The following ECHDC3 variants were observed in gnomAD, a reference collection of about 807,000 sequenced individuals.
The protein encoded by ECHDC3 is enoyl-CoA hydratase domain containing 3.
Under a neutral mutation model 17.9 loss-of-function variants are expected in ECHDC3, and 20 were observed. The observed-to-expected ratio is 1.12, with a 90% CI of 0.79 to 1.63. The LOEUF is 1.63. Ranked by LOEUF, ECHDC3 falls within the 40% of genes most tolerant of loss-of-function variation. The pLI, the probability that ECHDC3 is intolerant of heterozygous loss-of-function variation, is 0.00. For synonymous variants in ECHDC3, 177 were observed against 149.7 expected (o/e 1.18, Z -1.33); for missense variants, 407 against 357.7 (o/e 1.14, Z -1.11).
chr10:11,744,436 CTGTG>C (rs113353602), intron 1 of ECHDC3, among the ~76,000 whole-genome samples: 5,017 of 152,266 alleles, frequency 0.033, 289 homozygotes, highest in African/African-American at 0.11. Context: ...AGTGTCTTCT[CTGTG>C]TGAGAACATG....
Position 11,757,666 on chromosome 10 carries a change from C to T in ECHDC3, c.591+2058C>T, listed in dbSNP as rs373430506. On this transcript the variant is annotated intron_variant, in intron 4 of 4. Coordinates refer to ENST00000379215, the MANE Select transcript of ECHDC3 (RefSeq NM_024693.5). ...TCAGAGTTCTGTCAACAAGCCCTTG[C>T]ACGCTGGGCTTATTAATGCTGGGCC... 1.6e-4 allele frequency among the ~76,000 whole-genome samples: 24 copies of T among 152,302 alleles called. No homozygotes were observed. In the East Asian group the frequency reaches 4.0e-3, roughly 26 times the overall value.
intron 2 of ECHDC3, among the ~76,000 whole-genome samples, chr10:11,748,648 G>A (rs751714630): frequency 2.0e-5 from 3 of 152,166 alleles, no homozygotes; most frequent in Non-Finnish European, 4.4e-5. Flanking sequence ...TACTTTGGGA[G>A]GCCAAGGCGG....
chr10:11,757,234 A>G (rs1205987672), intron 4 of ECHDC3, among the ~76,000 whole-genome samples: 1 of 152,238 alleles, frequency 6.6e-6, no homozygotes, highest in African/African-American at 2.4e-5. Flanking sequence ...GAAACCTTGA[A>G]GTCAGCCCTA....
intron 2 of ECHDC3, among the ~76,000 whole-genome samples, chr10:11,748,388 A>T (rs1339806861): frequency 6.6e-6 from 1 of 152,080 alleles, no homozygotes. Flanking sequence ...CACTACACTC[A>T]GCTAATTTTT....
At chr10:11,758,013 G>A (rs1039558038) in intron 4 of ECHDC3, among the ~76,000 whole-genome samples, 4 of 152,082 alleles carry the variant, frequency 2.6e-5, no homozygotes, top group Admixed American at 6.5e-5. Flanking sequence ...CACCCACAGG[G>A]AAGCTAGCAG....
At chr10:11,751,038 G>A (rs1480938806) in intron 3 of ECHDC3, among the ~76,000 whole-genome samples, 1 of 152,204 alleles carries the variant, frequency 6.6e-6, no homozygotes, top group Non-Finnish European at 1.5e-5. Context: ...TGGGTCTTTC[G>A]TTTCCTACAT....
rs1232465094 is a variant in ECHDC3 at position 11,742,383 on chromosome 10, T to A, written c.-194T>A. 1 of 222,998 alleles carries A rather than the reference T, an allele frequency of 4.5e-6. No individual in the cohort carries two copies. Among genetic ancestry groups the A allele is most frequent in the African/African-American group, 5.4e-5 (1 of 18,532 alleles). The allele number at this position is 222,998 out of a possible 1,614,324, so 13.8% of individuals were successfully genotyped here. On this transcript the variant is annotated 5_prime_UTR_variant, in exon 1 of 5. Transcript: ENST00000379215. The stretch of plus-strand genomic sequence containing the variant: ...GGGCGGGGCGTGCCGGGGCGGGGCG[T>A]AGTACGGACTGGGCCTGGCCTGGGG...
In ECHDC3 at chr10:11,763,427, G is replaced by A. The variant is rs530119354; in HGVS notation, c.795G>A (p.Thr265=). Residue 265 remains threonine (T), a synonymous_variant, in exon 5 of 5, where the codon ACG becomes ACA. Transcript: ENST00000379215. This position sits in a 1 kb window ranked among gnomAD's most constrained non-coding sequence, Gnocchi z 4.9. The stretch of plus-strand genomic sequence containing the variant: ...AGCAGCTGCCCCAGGACCTGGGGAC[G>A]GCTTACTACCTCACCTCCCAGGCCA... ...FYKQLPQDLG[T]AYYLTSQAMV... The A allele has an allele frequency of 2.2e-5, 18 of 816,808 alleles. No homozygotes were observed. Among genetic ancestry groups the A allele is most frequent in the East Asian group, 1.4e-4 (6 of 41,424 alleles). 50.6% of individuals were successfully genotyped at this position (816,808 alleles called of 1,614,324 possible).
rs774232871 is a variant in ECHDC3, at chr10:11,763,394, C to T, written c.762C>T (p.Thr254=). 7 of 783,538 alleles carry T rather than the reference C, an allele frequency of 8.9e-6. No homozygotes were observed. Among genetic ancestry groups the T allele is most frequent in the Admixed American group, 5.1e-5 (3 of 59,022 alleles). The allele number at this position is 783,538 out of a possible 1,614,324, so 48.5% of individuals were successfully genotyped here. ...SRPVVSLGKA[T]FYKQLPQDLG... Reference sequence around the variant, plus strand: ...CGGTGGTGTCCCTGGGCAAAGCCACCTTCTACAAGCAGCTGCCCCAGGACC... The same window carrying T: ...CGGTGGTGTCCCTGGGCAAAGCCACTTTCTACAAGCAGCTGCCCCAGGACC... Residue 254 remains threonine, a synonymous_variant, in exon 5 of 5, where the codon ACC becomes ACT. Coordinates refer to ENST00000379215, the MANE Select transcript of ECHDC3 (RefSeq NM_024693.5). This position sits in a 1 kb window ranked among gnomAD's most constrained non-coding sequence, Gnocchi z 4.9.
At chr10:11,759,382 AAC>A (rs1554760083) in intron 4 of ECHDC3, among the ~76,000 whole-genome samples, 1 of 134,500 alleles carries the variant, frequency 7.4e-6, no homozygotes, top group Non-Finnish European at 1.6e-5. Flanking sequence ...AAAAAAAAAA[AAC>A]ACGCAGTCCC....
chr10:11,752,950 A>G (rs186236200), intron 3 of ECHDC3, among the ~76,000 whole-genome samples: 1 of 152,326 alleles, frequency 6.6e-6, no homozygotes, highest in African/African-American at 2.4e-5. Context: ...ACTGCCATTT[A>G]TTTATTTTGT....
intron 4 of ECHDC3, among the ~76,000 whole-genome samples, chr10:11,756,157 T>C (rs979967491): frequency 5.9e-5 from 9 of 152,342 alleles, no homozygotes; most frequent in Non-Finnish European, 8.8e-5. Context: ...GAATCTCCTG[T>C]GCGTGGTATG....
In ECHDC3 at chr10:11,754,481, C is replaced by G. The variant is rs1181014421; in HGVS notation, c.391-927C>G. ...GTCTCTCCTCTCTGTGCCAATGGCT[C>G]TATTTTAGGAATTTTGTTTACTTTG... On this transcript the variant is annotated intron_variant, in intron 3 of 4. Transcript: ENST00000379215. Among the ~76,000 whole-genome samples the G allele has an allele frequency of 5.1e-4, 77 of 152,146 alleles. 2 individuals are homozygous for G. The highest frequency in any genetic ancestry group is 4.9e-3 in the Admixed American group (75 of 15,272).
chr10:11,763,186 A>G lies in ECHDC3; in HGVS notation c.592-38A>G. The stretch of plus-strand genomic sequence containing the variant: ...GACTCAGGTGGCGGGGGCGGGTCAC[A>G]GGAGAGCACCTCAGTGACATCCCGT... On this transcript the variant is annotated intron_variant, in intron 4 of 4. Transcript: ENST00000379215. This position sits in a 1 kb window ranked among gnomAD's most constrained non-coding sequence, Gnocchi z 4.9. The G allele has an allele frequency of 1.4e-6, 1 of 728,218 alleles. No individual in the cohort carries two copies. Among genetic ancestry groups the G allele is most frequent in the East Asian group, 2.5e-5 (1 of 40,490 alleles). The allele number at this position is 728,218 out of a possible 1,614,324, so 45.1% of individuals were successfully genotyped here.
At chr10:11,759,423 A>AG (rs1382498699) in intron 4 of ECHDC3, among the ~76,000 whole-genome samples, 4 of 150,216 alleles carry the variant, frequency 2.7e-5, no homozygotes, top group Non-Finnish European at 4.4e-5. Flanking sequence ...CTTTTTCTCC[A>AG]TGTGAGGACA....
chr10:11,763,172 C>T lies in ECHDC3; in HGVS notation c.592-52C>T, dbSNP rs978886818. 9.6e-5 allele frequency: 66 copies of T among 687,716 alleles called. No individual in the cohort carries two copies. The highest frequency in any genetic ancestry group is 9.2e-4 in the African/African-American group (53 of 57,568). The allele number at this position is 687,716 out of a possible 1,614,324, so 42.6% of individuals were successfully genotyped here. ...TTGAGCCGAGGCGGGACTCAGGTGG[C>T]GGGGGCGGGTCACAGGAGAGCACCT... is the stretch of plus-strand genomic sequence containing the variant. On this transcript the variant is annotated intron_variant, in intron 4 of 4. Transcript: ENST00000379215. The surrounding 1 kb of genome is among the most constrained non-coding windows in gnomAD (Gnocchi z 4.9).
chr10:11,742,658 G>A lies in ECHDC3; in HGVS notation c.82G>A (p.Ala28Thr). The A allele has an allele frequency of 8.0e-7, 1 of 1,250,292 alleles. No individual in the cohort carries two copies. Among genetic ancestry groups the A allele is most frequent in the Non-Finnish European group, 1.0e-6 (1 of 999,028 alleles). 77.4% of individuals were successfully genotyped at this position (1,250,292 alleles called of 1,614,324 possible). A position where few individuals can be genotyped will look rare whatever the true frequency, so the allele number is the denominator to read the frequency against. Reference sequence around the variant, plus strand: ...GCGCGGCCCCTGGGCCCAGCTCCCCGCCCGCTTCTGCAGCCGGGACCCGGC... The same window carrying A: ...GCGCGGCCCCTGGGCCCAGCTCCCCACCCGCTTCTGCAGCCGGGACCCGGC... ...LRRGPWAQLP[A>T]RFCSRDPAGA... The change falls in exon 1 of 5, where the codon GCC becomes ACC. Residue 28 changes from alanine (A) to threonine (T), a missense_variant. Ala to Thr is a moderately conservative substitution (Grantham distance 58). Transcript: ENST00000379215.
chr10:11,756,964 A>T (rs1372647937), intron 4 of ECHDC3, among the ~76,000 whole-genome samples: 1 of 152,136 alleles, frequency 6.6e-6, no homozygotes, highest in Non-Finnish European at 1.5e-5. Flanking sequence ...CAAACTCCTG[A>T]CCTCAAGTAG....
At position 11,745,739 on chromosome 10, in the gene ECHDC3, A is replaced by T. The variant is rs533291932; in HGVS notation, c.171-1610A>T. The stretch of plus-strand genomic sequence containing the variant: ...GTAGGAAACCTGTAGGTGAAAACTG[A>T]TAGGAAACATATAAAATATATAATA... On this transcript the variant is annotated intron_variant, in intron 1 of 4. Transcript: ENST00000379215. Among the ~76,000 whole-genome samples, 11 of 152,356 alleles carry T rather than the reference A, an allele frequency of 7.2e-5. No individual in the cohort carries two copies. The South Asian group carries it at 2.3e-3, about 32-fold the overall frequency.
Sources: gnomAD v4.1 joint callset for allele counts (sites outside exome capture counted in the v4.1 genomes callset) on GRCh38, gnomAD v4.1.1 for gene constraint, Gnocchi (gnomAD v3.1) non-coding constraint, MANE v1.5 for transcripts, NCBI Gene and HGNC (gene_info 2026-07-23, HGNC 2026-07-21) for gene names.